The following RYR3 variants were observed in gnomAD, a reference collection of about 807,000 sequenced individuals.
RYR3 encodes brain ryanodine receptor-calcium release channel.
Under a neutral mutation model 584.3 loss-of-function variants are expected in RYR3, and 207 were observed. The ratio of observed to expected loss-of-function variants is 0.35; its 90% confidence interval spans 0.32 to 0.40. The LOEUF is 0.40. Among genes scored for constraint, RYR3 ranks in the 10% least tolerant of loss-of-function variants. The probability of loss-of-function intolerance (pLI) is 1.00; values close to 1 mark genes in which losing one functional copy is unlikely to be tolerated. For synonymous variants in RYR3, 2,416 were observed against 2,248.5 expected (o/e 1.07, Z -2.11); for missense variants, 5,616 against 6,089.2 (o/e 0.92, Z 2.59).
chr15:33,488,707 C>T (rs2050707159), intron 2 of RYR3, among the ~76,000 whole-genome samples: 1 of 152,084 alleles, frequency 6.6e-6, no homozygotes, highest in Admixed American at 6.5e-5. Flanking sequence ...AAAAAATTAG[C>T]CAGGCATGGT....
At position 33,814,845 on chromosome 15, in the gene RYR3, G is replaced by A. The variant is rs145894621; in HGVS notation, c.10502+1266G>A. The stretch of plus-strand genomic sequence containing the variant: ...GAACCCAGGAGGCGGAGGTTACAGT[G>A]AGCTGAGATCACGCTACTGCACTCT... On this transcript the variant is annotated intron_variant, in intron 74 of 103. Transcript: ENST00000634891. 7.0e-3 allele frequency among the ~76,000 whole-genome samples: 1,036 copies of A among 147,756 alleles called. 15 individuals carry two copies. Among genetic ancestry groups the A allele is most frequent in the African/African-American group, 0.025 (989 of 40,150 alleles).
chr15:33,748,597 A>AG (rs2070979010), intron 55 of RYR3, 67 bp downstream of exon 55: 3 of 1,337,032 alleles, frequency 2.2e-6, no homozygotes, highest in Admixed American at 1.9e-5. Context: ...AAAGAGTTAA[A>AG]GGGGGAAAAA....
intron 38 of RYR3, among the ~76,000 whole-genome samples, chr15:33,676,653 T>C (rs1018990255): frequency 2.6e-5 from 4 of 152,160 alleles, no homozygotes; most frequent in Admixed American, 6.5e-5. Context: ...AAGAAGATTT[T>C]TTCCACACAG....
intron 27 of RYR3, among the ~76,000 whole-genome samples, chr15:33,641,653 T>C (rs1174037885): frequency 6.6e-6 from 1 of 152,198 alleles, no homozygotes; most frequent in East Asian, 1.9e-4. Flanking sequence ...AGATTTTCTC[T>C]TTTCTGACTC....
chr15:33,510,045 A>G (rs1195719860), intron 3 of RYR3, among the ~76,000 whole-genome samples: 1 of 152,160 alleles, frequency 6.6e-6, no homozygotes, highest in Non-Finnish European at 1.5e-5. Context: ...GTTTTTTTAT[A>G]CTCGCAAAAT....
chr15:33,688,038 G>A (rs1323429065), intron 38 of RYR3, among the ~76,000 whole-genome samples: 1 of 152,118 alleles, frequency 6.6e-6, no homozygotes, highest in Admixed American at 6.6e-5. Context: ...AAAAGCAATA[G>A]CAACAAAAGC....
At chr15:33,585,569 T>C (rs947213633) in intron 15 of RYR3, among the ~76,000 whole-genome samples, 7 of 152,212 alleles carry the variant, frequency 4.6e-5, no homozygotes, top group African/African-American at 1.7e-4. Flanking sequence ...AAAATTCTTA[T>C]TTGGGAGAAA....
At chr15:33,545,070 A>T (rs2056135015) in intron 8 of RYR3, among the ~76,000 whole-genome samples, 1 of 152,124 alleles carries the variant, frequency 6.6e-6, no homozygotes, top group Non-Finnish European at 1.5e-5. Flanking sequence ...CTAAGATTTT[A>T]TGAGTTTTGC....
chr15:33,530,041 C>T (rs1282965627), intron 3 of RYR3, among the ~76,000 whole-genome samples: 1 of 152,106 alleles, frequency 6.6e-6, no homozygotes, highest in African/African-American at 2.4e-5. Context: ...TCTATTTCTG[C>T]ATAACTGGTT....
chr15:33,683,001 CTT>C (rs35327355), intron 38 of RYR3, among the ~76,000 whole-genome samples: 7 of 148,622 alleles, frequency 4.7e-5, no homozygotes, highest in Admixed American at 1.3e-4. Context: ...GTCATGTTTC[CTT>C]TTTTTTTTTG....
At chr15:33,546,288 C>G (rs1264264497) in intron 8 of RYR3, among the ~76,000 whole-genome samples, 3 of 152,154 alleles carry the variant, frequency 2.0e-5, no homozygotes, top group Non-Finnish European at 2.9e-5. Flanking sequence ...CTGAAGGGAT[C>G]CTTTCAGCTT....
At chr15:33,426,302 A>T (rs973842089) in intron 1 of RYR3, among the ~76,000 whole-genome samples, 6 of 152,140 alleles carry the variant, frequency 3.9e-5, no homozygotes, top group African/African-American at 1.4e-4. Flanking sequence ...TTTTAAGAAA[A>T]CGTGGCAAAT....
chr15:33,414,768 A>G (rs564445296), intron 1 of RYR3, among the ~76,000 whole-genome samples: 2 of 151,986 alleles, frequency 1.3e-5, no homozygotes, highest in African/African-American at 4.8e-5. Context: ...ATTTTTTTGT[A>G]TTTTTAGTAG....
intron 98 of RYR3, among the ~76,000 whole-genome samples, 197 bp from the exon 99 acceptor site, chr15:33,857,583 G>A (rs115456958): frequency 0.011 from 1,617 of 152,146 alleles, 33 homozygotes; most frequent in African/African-American, 0.038. Context: ...CAGGAAGCCC[G>A]CTTCTCTTTA....
At chr15:33,391,122 C>G (rs1238218990) in intron 1 of RYR3, among the ~76,000 whole-genome samples, 2 of 152,110 alleles carry the variant, frequency 1.3e-5, no homozygotes, top group East Asian at 3.9e-4. Context: ...TTAGTCCTGC[C>G]TCTTTCCCCT....
At chr15:33,558,654 C>T (rs1365212162) in intron 10 of RYR3, among the ~76,000 whole-genome samples, 1 of 152,098 alleles carries the variant, frequency 6.6e-6, no homozygotes, top group Non-Finnish European at 1.5e-5. Context: ...CTAGAAATAC[C>T]ATTTGACCCA....
chr15:33,674,343 AACAC>A (rs373877253), intron 38 of RYR3, among the ~76,000 whole-genome samples: 1 of 151,714 alleles, frequency 6.6e-6, no homozygotes, highest in Non-Finnish European at 1.5e-5. Context: ...CCTCTCCCTA[AACAC>A]ACACACACAC....
At chr15:33,767,715 C>G (rs972184065) in intron 60 of RYR3, among the ~76,000 whole-genome samples, 3 of 152,166 alleles carry the variant, frequency 2.0e-5, no homozygotes, top group Non-Finnish European at 4.4e-5. Context: ...GCTTTTTTCT[C>G]TCTTCTTTTT....
At chr15:33,578,788 A>C (rs117745646) in intron 12 of RYR3, among the ~76,000 whole-genome samples, 5 of 134,318 alleles carry the variant, frequency 3.7e-5, no homozygotes, top group African/African-American at 1.1e-4. Context: ...ACAACAACAA[A>C]AAAAAACTCC....
Sources: gnomAD v4.1 joint callset for allele counts (sites outside exome capture counted in the v4.1 genomes callset) on GRCh38, gnomAD v4.1.1 for gene constraint, MANE v1.5 for transcripts, NCBI Gene and HGNC (gene_info 2026-07-23, HGNC 2026-07-21) for gene names.